The following TRDN variants were observed in gnomAD, a reference collection of about 807,000 sequenced individuals.
TRDN encodes the protein triadin.
In TRDN, 161 loss-of-function variants were observed where a neutral mutation model predicts 149.7. The ratio of observed to expected loss-of-function variants is 1.08; its 90% CI spans 0.95 to 1.23. TRDN has a LOEUF of 1.23. Ranked by LOEUF, TRDN falls within the 50% of genes most tolerant of loss-of-function variation. The probability of loss-of-function intolerance (pLI) is 0.00; values close to 1 mark genes in which losing one functional copy is unlikely to be tolerated. For synonymous variants in TRDN, 294 were observed against 250.5 expected (o/e 1.17, Z -1.64); for missense variants, 896 against 823.5 (o/e 1.09, Z -1.08).
At chr6:123,582,668 C>T (rs530691342) in intron 1 of TRDN, among the ~76,000 whole-genome samples, 1 of 151,966 alleles carries the variant, frequency 6.6e-6, no homozygotes, top group Non-Finnish European at 1.5e-5. Context: ...GGCAGGAACC[C>T]GCGATCTGGA....
intron 1 of TRDN, among the ~76,000 whole-genome samples, chr6:123,604,022 AGAT>A (rs71808494): frequency 0.056 from 8,592 of 152,284 alleles, 269 homozygotes; most frequent in African/African-American, 0.058. Flanking sequence ...TGGAATAAAC[AGAT>A]GAGTTACCGA....
chr6:123,372,936 C>T (rs1582932812), intron 19 of TRDN, among the ~76,000 whole-genome samples: 1 of 152,210 alleles, frequency 6.6e-6, no homozygotes, highest in Admixed American at 6.5e-5. Flanking sequence ...GGAGTCTTTG[C>T]TGACTTGCAG....
intron 2 of TRDN, among the ~76,000 whole-genome samples, chr6:123,569,246 C>T (rs1782440241): frequency 6.6e-6 from 1 of 152,182 alleles, no homozygotes; most frequent in Non-Finnish European, 1.5e-5. Flanking sequence ...GTCTCCAATA[C>T]ATTCCTCATT....
At chr6:123,619,759 G>C (rs373443299) in intron 1 of TRDN, among the ~76,000 whole-genome samples, 2 of 151,872 alleles carry the variant, frequency 1.3e-5, no homozygotes, top group East Asian at 1.9e-4. Context: ...AATTAGAACA[G>C]GAGTTCTAAT....
At chr6:123,502,764 C>A (rs1778752474) in intron 8 of TRDN, 3 of 984,862 alleles carry the variant, frequency 3.0e-6, no homozygotes, top group Non-Finnish European at 3.6e-6. Context: ...TAACATTAGT[C>A]AAAAGTGCTA....
chr6:123,369,690 T>A (rs1781248227), intron 19 of TRDN, among the ~76,000 whole-genome samples: 2 of 152,160 alleles, frequency 1.3e-5, no homozygotes, highest in African/African-American at 4.8e-5. Flanking sequence ...CTAAATTACA[T>A]CACTGTTCCA....
intron 4 of TRDN, among the ~76,000 whole-genome samples, chr6:123,540,769 C>T (rs888452784): frequency 5.3e-5 from 8 of 152,150 alleles, no homozygotes; most frequent in African/African-American, 1.7e-4. Flanking sequence ...CTGCCCGCCT[C>T]GGCCTCCCAA....
chr6:123,309,468 A>G (rs1014565662), intron 24 of TRDN, among the ~76,000 whole-genome samples: 1 of 151,970 alleles, frequency 6.6e-6, no homozygotes. Context: ...CCAATAGATA[A>G]GAAAATTAAT....
In TRDN at chr6:123,626,191, C is replaced by T. The variant is rs559588139; in HGVS notation, c.22+10563G>A. ...ACTCTCTTTGCTCATTCATAGAAAG[C>T]ACCTCCTAGGCCAGGCATGGTGGCT... On this transcript the variant is annotated intron_variant, in intron 1 of 40. Transcript: ENST00000334268. Among the ~76,000 whole-genome samples the T allele has an allele frequency of 3.3e-5, 5 of 152,176 alleles. No homozygotes were observed. In the East Asian group the frequency reaches 9.7e-4, roughly 29 times the overall value.
intron 1 of TRDN, among the ~76,000 whole-genome samples, chr6:123,626,288 C>T (rs961081146): frequency 1.3e-5 from 2 of 152,088 alleles, no homozygotes; most frequent in Non-Finnish European, 2.9e-5. Context: ...TCAAGACCAC[C>T]TTGGCCAACA....
At chr6:123,358,641 A>ATTGTTTTGTT (rs59422811) in intron 20 of TRDN, among the ~76,000 whole-genome samples, 139,219 of 151,122 alleles carry the variant, frequency 0.92, 64,183 homozygotes, top group East Asian at 0.99. Context: ...ATTTTTTTGT[A>ATTGTTTTGTT]TTGTTTTGTT....
chr6:123,630,291 A>G (rs1785920941), intron 1 of TRDN, among the ~76,000 whole-genome samples: 1 of 152,070 alleles, frequency 6.6e-6, no homozygotes, highest in African/African-American at 2.4e-5. Context: ...TTTAAGCTCC[A>G]ACTAAGCATA....
chr6:123,284,005 T>TATATATATATATATATATATATATATAA lies in TRDN; in HGVS notation c.1511-4924_1511-4923insTTATATATATATATATATATATATATAT, dbSNP rs1188677769. 2.4e-4 allele frequency among the ~76,000 whole-genome samples: 29 copies of TATATATATATATATATATATATATATAA among 122,764 alleles called. 1 individual carries two copies. The highest frequency in any genetic ancestry group is 5.0e-4 in the African/African-American group (15 of 29,896). The allele number at this position is 122,764 out of a possible 152,430, so 80.5% of individuals were successfully genotyped here. A position where few individuals can be genotyped will look rare whatever the true frequency, so the allele number is the denominator to read the frequency against. On this transcript the variant is annotated intron_variant, in intron 24 of 40. Coordinates refer to ENST00000334268, the MANE Select transcript of TRDN (RefSeq NM_006073.4). ...TGGCACATATATATATATATATATG[T>TATATATATATATATATATATATATATAA]AACAAACCTGCACATTGTGCACATG... is the stretch of plus-strand genomic sequence containing the variant.
chr6:123,414,796 G>A (rs906919712), intron 12 of TRDN, among the ~76,000 whole-genome samples: 4 of 151,932 alleles, frequency 2.6e-5, no homozygotes, highest in African/African-American at 7.3e-5. Context: ...GATTATTGCT[G>A]GAAAATGAGT....
chr6:123,301,793 A>G (rs1268917078), intron 24 of TRDN, among the ~76,000 whole-genome samples: 1 of 142,068 alleles, frequency 7.0e-6, no homozygotes, highest in Non-Finnish European at 1.5e-5. Context: ...ATATACATAA[A>G]TGAAAATATC....
At chr6:123,264,502 G>T (rs1776872209) in intron 33 of TRDN, among the ~76,000 whole-genome samples, 1 of 152,176 alleles carries the variant, frequency 6.6e-6, no homozygotes, top group Non-Finnish European at 1.5e-5. Flanking sequence ...TCTACTTCTG[G>T]TGAAGATGTT....
intron 5 of TRDN, among the ~76,000 whole-genome samples, chr6:123,524,460 A>T (rs1779843296): frequency 6.6e-6 from 1 of 152,124 alleles, no homozygotes; most frequent in South Asian, 2.1e-4. Context: ...AATACTCAGG[A>T]TATTCATGAC....
intron 2 of TRDN, among the ~76,000 whole-genome samples, chr6:123,561,269 A>G (rs965604882): frequency 2.0e-5 from 3 of 152,156 alleles, no homozygotes; most frequent in African/African-American, 7.2e-5. Context: ...AAACATTTAT[A>G]TACCTTACAA....
At chr6:123,481,278 A>G (rs1777735179) in intron 9 of TRDN, among the ~76,000 whole-genome samples, 2 of 152,118 alleles carry the variant, frequency 1.3e-5, no homozygotes, top group African/African-American at 2.4e-5. Context: ...AAAGGCAGCT[A>G]AAAGCTATCA....
Sources: allele counts gnomAD v4.1 joint callset (sites outside exome capture counted in the v4.1 genomes callset), GRCh38; gene constraint gnomAD v4.1.1; transcripts MANE v1.5; gene names NCBI Gene and HGNC (gene_info 2026-07-23, HGNC 2026-07-21).